ARMH3: variants seen among roughly 807,000 people sequenced by gnomAD.
The protein encoded by ARMH3 is armadillo-like helical domain-containing protein 3.
A neutral mutation model predicts 99.1 loss-of-function variants in ARMH3; 60 were observed. The observed-to-expected ratio is 0.61, with a 90% CI of 0.49 to 0.75. The LOEUF (loss-of-function observed/expected upper bound fraction) is 0.75, where lower values mean the gene tolerates loss of function less well. Among genes scored for constraint, ARMH3 ranks in the 30% least tolerant of loss-of-function variants. The pLI is 0.00. For synonymous variants in ARMH3, 285 were observed against 292.8 expected (o/e 0.97, Z 0.27); for missense variants, 679 against 843.1 (o/e 0.81, Z 2.41).
In ARMH3 at chr10:101,847,492, TA is replaced by T. The variant is rs1421492179; in HGVS notation, c.*35del. On this transcript the variant is annotated 3_prime_UTR_variant, in exon 26 of 26. Coordinates refer to ENST00000370033, the MANE Select transcript of ARMH3 (RefSeq NM_024541.3). Reference sequence around the variant, plus strand: ...CCCTCCAGCCCATGATCCTCATGGGTAAGGGCAGTCAGAGGCTGCTCAGGTA... The same window carrying T: ...CCCTCCAGCCCATGATCCTCATGGGTAGGGCAGTCAGAGGCTGCTCAGGTA... 1 of 1,585,250 alleles carries T rather than the reference TA, an allele frequency of 6.3e-7. No homozygotes were observed. Among genetic ancestry groups the T allele is most frequent in the African/African-American group, 1.3e-5 (1 of 74,264 alleles).
intron 20 of ARMH3, among the ~76,000 whole-genome samples, chr10:101,966,102 CTTTTTTTTTTT>C (rs1047048779): frequency 4.8e-5 from 6 of 126,292 alleles, no homozygotes; most frequent in Non-Finnish European, 8.6e-5. Flanking sequence ...TTTTTCTTTT[CTTTTTTTTTTT>C]TTTTTTTTAG....
rs547776353 is a variant in ARMH3 at position 101,856,947 on chromosome 10, T to C, written c.1861-7055A>G. 4.8e-4 allele frequency among the ~76,000 whole-genome samples: 73 copies of C among 152,298 alleles called. No homozygotes were observed. In the Middle Eastern group the frequency reaches 0.014, roughly 28 times the overall value. ...GTTTGTTCCACAGCAAGTTGGGTAA[T>C]GGAGTTTATTCCTCATGATGTTTCA... is the stretch of plus-strand genomic sequence containing the variant. On this transcript the variant is annotated intron_variant, in intron 24 of 25. Coordinates refer to ENST00000370033, the MANE Select transcript of ARMH3 (RefSeq NM_024541.3).
intron 24 of ARMH3, among the ~76,000 whole-genome samples, chr10:101,870,932 C>T (rs1005582330): frequency 1.3e-4 from 19 of 151,856 alleles, no homozygotes; most frequent in African/African-American, 4.4e-4. Flanking sequence ...AGAGTAAGAC[C>T]CTGTCTCAAA....
intron 24 of ARMH3, among the ~76,000 whole-genome samples, chr10:101,888,308 T>G (rs1387928208): frequency 6.6e-6 from 1 of 151,748 alleles, no homozygotes; most frequent in Non-Finnish European, 1.5e-5. Flanking sequence ...AAAAAGGAAA[T>G]GAAGGCCATT....
At chr10:102,036,174 C>G (rs931882918) in intron 2 of ARMH3, among the ~76,000 whole-genome samples, 6 of 136,934 alleles carry the variant, frequency 4.4e-5, no homozygotes, top group African/African-American at 1.6e-4. Context: ...GGGGTCAGCC[C>G]CCGCCCGGCC....
intron 1 of ARMH3, among the ~76,000 whole-genome samples, chr10:102,055,809 G>C (rs1449339717): frequency 2.6e-4 from 39 of 152,210 alleles, no homozygotes. Context: ...AGGGATGCGG[G>C]AGAGGGACGT....
chr10:101,867,977 A>T (rs1013659504), intron 24 of ARMH3, among the ~76,000 whole-genome samples: 15 of 141,136 alleles, frequency 1.1e-4, no homozygotes, highest in African/African-American at 2.6e-4. Context: ...TGTTTCTATT[A>T]AAAAAAAAAA....
At chr10:101,881,040 C>G (rs1008479063) in intron 24 of ARMH3, among the ~76,000 whole-genome samples, 4 of 152,338 alleles carry the variant, frequency 2.6e-5, no homozygotes, top group Non-Finnish European at 5.9e-5. Context: ...ATAACCTTCA[C>G]TCATTCAGAT....
intron 24 of ARMH3, among the ~76,000 whole-genome samples, chr10:101,861,729 CAAA>C (rs35593972): frequency 1.8e-4 from 8 of 44,148 alleles, no homozygotes; most frequent in Non-Finnish European, 3.1e-4. Context: ...GACTCCGTCT[CAAA>C]AAAAAAAAAA....
At chr10:101,995,645 T>C (rs1847021324) in intron 15 of ARMH3, among the ~76,000 whole-genome samples, 1 of 152,200 alleles carries the variant, frequency 6.6e-6, no homozygotes, top group South Asian at 2.1e-4. Context: ...GCTCAAATAG[T>C]GGCCAGTACT....
At chr10:101,981,060 G>A (rs1363695948) in intron 19 of ARMH3, among the ~76,000 whole-genome samples, 1 of 151,964 alleles carries the variant, frequency 6.6e-6, no homozygotes, top group Non-Finnish European at 1.5e-5. Context: ...GGCCTGTTGG[G>A]GGGTTGGGGG....
chr10:101,966,650 T>C (rs774544493), intron 20 of ARMH3, among the ~76,000 whole-genome samples: 1 of 152,122 alleles, frequency 6.6e-6, no homozygotes, highest in Non-Finnish European at 1.5e-5. Flanking sequence ...AAGGAACCTT[T>C]TTTGCAGAGC....
At chr10:102,055,377 G>A (rs1389078883) in intron 1 of ARMH3, among the ~76,000 whole-genome samples, 1 of 152,156 alleles carries the variant, frequency 6.6e-6, no homozygotes, top group Non-Finnish European at 1.5e-5. Context: ...AGGGTCGGAT[G>A]ATCCAGTGAC....
chr10:101,899,640 C>T (rs999121555), intron 23 of ARMH3, among the ~76,000 whole-genome samples: 1 of 152,184 alleles, frequency 6.6e-6, no homozygotes, highest in Admixed American at 6.5e-5. Context: ...TGCTGATTAA[C>T]ATTAAACAAA....
intron 20 of ARMH3, among the ~76,000 whole-genome samples, chr10:101,963,429 G>A (rs1016950601): frequency 2.0e-5 from 3 of 151,882 alleles, no homozygotes; most frequent in African/African-American, 7.3e-5. Context: ...GAGCCACCGT[G>A]CCCAGCCATT....
At chr10:101,975,777 T>G (rs1281152532) in intron 19 of ARMH3, among the ~76,000 whole-genome samples, 1 of 151,840 alleles carries the variant, frequency 6.6e-6, no homozygotes, top group Non-Finnish European at 1.5e-5. Context: ...GAAGAATCAC[T>G]TGAACCCAGG....
At chr10:102,036,150 CGGGA>C (rs2067256679) in intron 2 of ARMH3, among the ~76,000 whole-genome samples, 1 of 147,280 alleles carries the variant, frequency 6.8e-6, no homozygotes, top group African/African-American at 2.5e-5. Flanking sequence ...CCGCCCCATC[CGGGA>C]GGGAGGTGGG....
At chr10:101,904,034 G>A (rs1359444607) in intron 23 of ARMH3, among the ~76,000 whole-genome samples, 1 of 152,230 alleles carries the variant, frequency 6.6e-6, no homozygotes, top group South Asian at 2.1e-4. Context: ...CTCTGCGGCT[G>A]TCAGTCTCCA....
intron 8 of ARMH3, among the ~76,000 whole-genome samples, chr10:102,022,141 AT>A (rs918639425): frequency 6.6e-6 from 1 of 152,172 alleles, no homozygotes; most frequent in African/African-American, 2.4e-5. Context: ...CTAAATTTGT[AT>A]AAAGACGCTC....
Sources: allele counts gnomAD v4.1 joint callset (sites outside exome capture counted in the v4.1 genomes callset), GRCh38; gene constraint gnomAD v4.1.1; transcripts MANE v1.5; gene names NCBI Gene and HGNC (gene_info 2026-07-23, HGNC 2026-07-21).